Variants in USP8 observed in about 807,000 individuals in gnomAD.
USP8 encodes ubiquitin specific peptidase 8.
USP8 carries 27 observed loss-of-function variants against 130.0 expected under a neutral mutation model. The ratio of observed to expected loss-of-function variants is 0.21; its 90% confidence interval spans 0.15 to 0.29. The LOEUF is 0.29. Among genes scored for constraint, USP8 ranks in the 10% least tolerant of loss-of-function variants. USP8 has a pLI of 1.00. For synonymous variants in USP8, 392 were observed against 444.1 expected (o/e 0.88, Z 1.48); for missense variants, 1,029 against 1,312.2 (o/e 0.78, Z 3.33).
chr15:50,457,441 C>G (rs935967458), intron 4 of USP8, among the ~76,000 whole-genome samples: 3 of 151,524 alleles, frequency 2.0e-5, no homozygotes, highest in African/African-American at 7.3e-5. Flanking sequence ...ACCGGTAGTC[C>G]CAGCTACTTG....
chr15:50,450,614 G>A (rs2050601106), intron 4 of USP8, among the ~76,000 whole-genome samples: 1 of 151,788 alleles, frequency 6.6e-6, no homozygotes, highest in Admixed American at 6.6e-5. Flanking sequence ...TGGTATTACA[G>A]GCATGTGCCA....
chr15:50,475,450 G>GT (rs2051533502), intron 8 of USP8, among the ~76,000 whole-genome samples: 1 of 152,018 alleles, frequency 6.6e-6, no homozygotes, highest in African/African-American at 2.4e-5. Flanking sequence ...TGTTGGTTAA[G>GT]TGTATAAATT....
At chr15:50,424,715 G>T (rs1400286793) in intron 1 of USP8, 5 of 388,592 alleles carry the variant, frequency 1.3e-5, no homozygotes, top group Non-Finnish European at 2.3e-5. Context: ...ATCTACCTAG[G>T]ATTGCCAAGC....
Position 50,513,968 on chromosome 15 carries a change from T to C in USP8, c.*14880T>C, listed in dbSNP as rs998928466. The stretch of plus-strand genomic sequence containing the variant: ...TATGTTCACCAAAAAACAAGAATGT[T>C]TATAGCAACCCTCTTTGCATTAGTC... On this transcript the variant is annotated 3_prime_UTR_variant, in exon 20 of 20. Coordinates refer to ENST00000307179, the MANE Select transcript of USP8 (RefSeq NM_005154.5). 1.3e-5 allele frequency: 2 copies of C among 152,196 alleles called. No homozygotes were observed. The highest frequency in any genetic ancestry group is 4.8e-5 in the African/African-American group (2 of 41,442). The allele number at this position is 152,196 out of a possible 1,614,324, so 9.4% of individuals were successfully genotyped here.
intron 5 of USP8, among the ~76,000 whole-genome samples, chr15:50,461,389 G>A (rs1375695473): frequency 1.3e-5 from 2 of 148,606 alleles, no homozygotes; most frequent in African/African-American, 2.5e-5. Context: ...CTTGAGCCCA[G>A]GAGGTCCAGG....
chr15:50,471,201 G>A (rs2051365308), intron 7 of USP8, among the ~76,000 whole-genome samples: 1 of 152,176 alleles, frequency 6.6e-6, no homozygotes, highest in Non-Finnish European at 1.5e-5. Context: ...TGCTATATGT[G>A]TTTGTTGAAT....
chr15:50,498,587 G>A lies in USP8; in HGVS notation c.3039-9G>A, dbSNP rs776289939. ...TCTGTCAGTGTAATTGTAATGTTTT[G>A]TTCTGCAGTTTTTCCTACGATGGCA... On this transcript the variant is annotated splice_polypyrimidine_tract_variant and intron_variant, in intron 18 of 19. Transcript: ENST00000307179. The A allele has an allele frequency of 1.9e-6, 3 of 1,603,912 alleles. No homozygotes were observed. Among genetic ancestry groups the A allele is most frequent in the Non-Finnish European group, 2.6e-6 (3 of 1,176,172 alleles).
At chr15:50,443,328 T>C (rs1334633410) in intron 3 of USP8, among the ~76,000 whole-genome samples, 1 of 151,834 alleles carries the variant, frequency 6.6e-6, no homozygotes, top group Non-Finnish European at 1.5e-5. Context: ...CGTGATCCTG[T>C]GAGCCACTGT....
Position 50,477,505 on chromosome 15 carries a change from T to C in USP8, c.1218+6T>C, listed in dbSNP as rs770297926. The C allele has an allele frequency of 1.2e-6, 2 of 1,603,450 alleles. No homozygotes were observed. Among genetic ancestry groups the C allele is most frequent in the Non-Finnish European group, 1.7e-6 (2 of 1,175,144 alleles). ...GTATAAAGAATGTTCCACAGGTATG[T>C]TCTTGATTTTAACATTATTCTCGCT... On this transcript the variant is annotated splice_donor_region_variant and intron_variant, in intron 10 of 19. Transcript: ENST00000307179.
chr15:50,501,995 T>C lies in USP8; in HGVS notation c.*2907T>C, dbSNP rs755242476. ...TTAATGATACAACAGTAAAACTGAA[T>C]AGTTGCAGCCAATACCATATGGCTT... On this transcript the variant is annotated 3_prime_UTR_variant, in exon 20 of 20. Coordinates refer to ENST00000307179, the MANE Select transcript of USP8 (RefSeq NM_005154.5). 17 of 152,240 alleles carry C rather than the reference T, an allele frequency of 1.1e-4. No individual in the cohort carries two copies. The highest frequency in any genetic ancestry group is 2.2e-4 in the Non-Finnish European group (15 of 68,044). The allele number at this position is 152,240 out of a possible 1,614,324, so 9.4% of individuals were successfully genotyped here. A position where few individuals can be genotyped will look rare whatever the true frequency, so the allele number is the denominator to read the frequency against.
intron 12 of USP8, among the ~76,000 whole-genome samples, chr15:50,487,408 C>G (rs2052005579): frequency 6.6e-6 from 1 of 152,072 alleles, no homozygotes; most frequent in Non-Finnish European, 1.5e-5. Context: ...TTCTCTTCTT[C>G]TGACATCCTT....
chr15:50,491,431 A>G (rs1282334443), intron 14 of USP8, among the ~76,000 whole-genome samples: 1 of 152,212 alleles, frequency 6.6e-6, no homozygotes, highest in Non-Finnish European at 1.5e-5. Context: ...AGAGTTCATT[A>G]TAATAACTAG....
rs1356130775 is a variant in USP8 at position 50,502,415 on chromosome 15, C to T, written c.*3327C>T. ...ACAGAGTCTTGCTCTGTTGCCCAGGCTGGAGTGCAGTGACGTGATCTCAGC... is the reference window on the plus strand; with the variant it reads ...ACAGAGTCTTGCTCTGTTGCCCAGGTTGGAGTGCAGTGACGTGATCTCAGC... On this transcript the variant is annotated 3_prime_UTR_variant, in exon 20 of 20. Transcript: ENST00000307179. 6.6e-6 allele frequency: 1 copy of T among 152,332 alleles called. No individual in the cohort carries two copies. The highest frequency in any genetic ancestry group is 1.5e-5 in the Non-Finnish European group (1 of 68,174). The allele number at this position is 152,332 out of a possible 1,614,324, so 9.4% of individuals were successfully genotyped here.
chr15:50,500,936 T>G lies in USP8; in HGVS notation c.*1848T>G. 2 of 991,712 alleles carry G rather than the reference T, an allele frequency of 2.0e-6. No homozygotes were observed. Among genetic ancestry groups the G allele is most frequent in the Non-Finnish European group, 3.1e-6 (2 of 650,900 alleles). 61.4% of individuals were successfully genotyped at this position (991,712 alleles called of 1,614,324 possible). On this transcript the variant is annotated 3_prime_UTR_variant, in exon 20 of 20. Coordinates refer to ENST00000307179, the MANE Select transcript of USP8 (RefSeq NM_005154.5). ...AAGAGATGCTTTTTAAATTGTCCCT[T>G]ATTCTAAATTAAAAGGAAGTGATAA... is the stretch of plus-strand genomic sequence containing the variant.
At chr15:50,488,909 G>A (rs551146301) in intron 12 of USP8, among the ~76,000 whole-genome samples, 3 of 151,730 alleles carry the variant, frequency 2.0e-5, no homozygotes, top group East Asian at 2.0e-4. Context: ...TTATAGAGAC[G>A]GGGTCTGTGT....
intron 4 of USP8, among the ~76,000 whole-genome samples, chr15:50,452,724 C>T (rs1349876734): frequency 6.6e-6 from 1 of 152,162 alleles, no homozygotes; most frequent in Non-Finnish European, 1.5e-5. Context: ...CCCTCTGCCT[C>T]AGTTTCCTCA....
chr15:50,467,603 TG>T (rs2051234076), intron 7 of USP8, among the ~76,000 whole-genome samples: 1 of 152,154 alleles, frequency 6.6e-6, no homozygotes, highest in Non-Finnish European at 1.5e-5. Flanking sequence ...GTGCCTGGGT[TG>T]GAGTGCAGTG....
intron 1 of USP8, among the ~76,000 whole-genome samples, chr15:50,430,966 T>G (rs2049911378): frequency 6.6e-6 from 1 of 152,188 alleles, no homozygotes; most frequent in Admixed American, 6.5e-5. Flanking sequence ...TAGTAGAGGT[T>G]AGGGATGCTG....
intron 5 of USP8, among the ~76,000 whole-genome samples, chr15:50,461,908 C>T (rs2051021593): frequency 6.6e-6 from 1 of 151,676 alleles, no homozygotes; most frequent in Non-Finnish European, 1.5e-5. Flanking sequence ...GTTCATTTTG[C>T]TTTAATTATG....
Sources: gnomAD v4.1 joint callset for allele counts (sites outside exome capture counted in the v4.1 genomes callset) on GRCh38, gnomAD v4.1.1 for gene constraint, MANE v1.5 for transcripts, NCBI Gene and HGNC (gene_info 2026-07-23, HGNC 2026-07-21) for gene names.